OPLAH: variants seen among roughly 807,000 people sequenced by gnomAD.
The protein encoded by OPLAH is 5-oxoprolinase, ATP-hydrolysing.
A neutral mutation model predicts 122.8 loss-of-function variants in OPLAH; 103 were observed. The observed-to-expected ratio is 0.84, with a 90% CI of 0.71 to 0.99. The LOEUF (loss-of-function observed/expected upper bound fraction) is 0.99, where lower values mean the gene tolerates loss of function less well. Ranked by LOEUF, OPLAH falls within the 50% of genes least tolerant of loss-of-function variation. The probability of loss-of-function intolerance (pLI) is 0.00; values close to 1 mark genes in which losing one functional copy is unlikely to be tolerated. For missense variants in OPLAH, 1,902 were observed against 1,836.5 expected, an observed-to-expected ratio of 1.04 and a Z score of -0.65; for synonymous variants, 875 against 796.0, an observed-to-expected ratio of 1.10 and a Z score of -1.67.
rs1172637181 is a variant in OPLAH at position 144,051,282 on chromosome 8, G to C, written c.*44C>G. 1.9e-6 allele frequency: 3 copies of C among 1,605,262 alleles called. No individual in the cohort carries two copies. In the African/African-American group the frequency reaches 4.0e-5, roughly 22 times the overall value. On this transcript the variant is annotated 3_prime_UTR_variant, in exon 27 of 27. Coordinates refer to ENST00000618853, the MANE Select transcript of OPLAH (RefSeq NM_017570.5). Reference sequence around the variant, plus strand: ...AGCACGAACTAGGCGCCGTAGCTGCGTCCCCAGAACCGGGAGACTTAAGGC... The same window carrying C: ...AGCACGAACTAGGCGCCGTAGCTGCCTCCCCAGAACCGGGAGACTTAAGGC...
At position 144,056,251 on chromosome 8, in the gene OPLAH, C is replaced by A; in HGVS notation, c.1992G>T (p.Gln664His). The A allele has an allele frequency of 6.2e-7, 1 of 1,611,440 alleles. No homozygotes were observed. Among genetic ancestry groups the A allele is most frequent in the African/African-American group, 1.3e-5 (1 of 75,030 alleles). ...TGPPRVDKMT[Q>H]CYFEGGYQET... ...CCTGGTAGCCCCCCTCAAAGTAGCA[C>A]TGGGTCATCTGCAGAGGGTGCGGGT... The change falls in exon 15 of 27, where the codon CAG (glutamine) becomes CAT (histidine). Residue 664 changes from glutamine (Q) to histidine (H), a missense_variant. Gln to His is a conservative substitution (Grantham distance 24). Transcript: ENST00000618853.
chr8:144,056,560 T>G, intron 13 of OPLAH, 37 bp from the exon 14 acceptor site: 13 of 1,612,048 alleles, frequency 8.1e-6, no homozygotes, highest in Non-Finnish European at 1.1e-5. Flanking sequence ...GTGGTCAGAG[T>G]GAGGCGGCCA....
chr8:144,052,040 C>G lies in OPLAH; in HGVS notation c.3498G>C (p.Arg1166=), dbSNP rs782287993. 6.3e-7 allele frequency: 1 copy of G among 1,590,122 alleles called. No homozygotes were observed. Among genetic ancestry groups the G allele is most frequent in the Admixed American group, 1.7e-5 (1 of 59,338 alleles). The change falls in exon 25 of 27, where the codon CGG becomes CGC. Residue 1166 remains arginine (R), a synonymous_variant. Coordinates refer to ENST00000618853, the MANE Select transcript of OPLAH (RefSeq NM_017570.5). The stretch of plus-strand genomic sequence containing the variant: ...GGAAGCGGCCTCTGCCCCCCGAGCC[C>G]CGCCGCAGCTCGAAGCGGCGCAGGA... ...PVILRRFELR[R]GSGGRGRFRG...
In OPLAH at chr8:144,052,000, C is replaced by T. The variant is rs2129742937; in HGVS notation, c.3538G>A (p.Val1180Ile). Residue 1180 changes from valine (V) to isoleucine (I), a missense_variant, in exon 25 of 27, where the codon GTC (valine) becomes ATC (isoleucine). Transcript: ENST00000618853. ...TCACGAAAGAGCAGCTCGCGGGTGA[C>T]GCCGTCGCCGCCTCGGAAGCGGCCT... Reference protein sequence around the residue: ...GRGRFRGGDGVTRELLFREEA... With the variant: ...GRGRFRGGDGITRELLFREEA... 1.3e-6 allele frequency: 2 copies of T among 1,585,516 alleles called. No individual in the cohort carries two copies. The highest frequency in any genetic ancestry group is 1.7e-6 in the Non-Finnish European group (2 of 1,174,468).
Position 144,054,880 on chromosome 8 carries a change from C to T in OPLAH, c.2443G>A (p.Asp815Asn), listed in dbSNP as rs782232141. ...CTGGGATGGTTGCTCAGTAGCACGT[C>T]GCCAGGGTGGAGATCGGCCCCCAGG... ...QHLGADLHPG[D>N]VLLSNHPSAG... Residue 815 changes from aspartate (D) to asparagine (N), a missense_variant, in exon 18 of 27, where the codon GAC becomes AAC. Physicochemically the swap from Asp to Asn is conservative, Grantham distance 23 (BLOSUM62 1). Coordinates refer to ENST00000618853, the MANE Select transcript of OPLAH (RefSeq NM_017570.5). 7 of 1,610,368 alleles carry T rather than the reference C, an allele frequency of 4.3e-6. No individual in the cohort carries two copies. Among genetic ancestry groups the T allele is most frequent in the East Asian group, 4.5e-5 (2 of 44,794 alleles).
At chr8:144,060,227 G>A in intron 1 of OPLAH, 142 bp from the exon 2 acceptor site, 1 of 650,068 alleles carries the variant, frequency 1.5e-6, no homozygotes, top group Admixed American at 3.0e-5. Context: ...CAGCTCCGAG[G>A]GCAGCCTGGG....
At chr8:144,054,788 A>T (rs1352196869) in intron 18 of OPLAH, 24 bp downstream of exon 18, 9 of 1,612,048 alleles carry the variant, frequency 5.6e-6, no homozygotes, top group Non-Finnish European at 7.6e-6. Context: ...GCCCCAGCAG[A>T]GGCAGGCGGG....
rs1218494869 is a variant in OPLAH, at chr8:144,056,677, C to G, written c.1785G>C (p.Gln595His). Residue 595 changes from glutamine (Q) to histidine (H), a missense_variant, in exon 13 of 27, where the codon CAG becomes CAC. Transcript: ENST00000618853. ...GGGGCGAGCGGGCTGTGGCTGGGTG[C>G]TGGTGGGCAGACACCATCAGAGCAC... ...TDCALMVSAH[Q>H]HPATARSPRA... 2 of 1,611,662 alleles carry G rather than the reference C, an allele frequency of 1.2e-6. No individual in the cohort carries two copies. Among genetic ancestry groups the G allele is most frequent in the Non-Finnish European group, 1.7e-6 (2 of 1,179,628 alleles).
rs782184222 is a variant in OPLAH, at chr8:144,056,236, C to A, written c.2007G>T (p.Gly669=). The A allele has an allele frequency of 3.1e-6, 5 of 1,611,832 alleles. No individual in the cohort carries two copies. Among genetic ancestry groups the A allele is most frequent in the African/African-American group, 1.3e-5 (1 of 74,914 alleles). ...VDKMTQCYFE[G]GYQETPVYLL... is the part of the protein sequence containing the mutation. ...GGTACACAGGGGTCTCCTGGTAGCCCCCCTCAAAGTAGCACTGGGTCATCT... is the reference window on the plus strand; with the variant it reads ...GGTACACAGGGGTCTCCTGGTAGCCACCCTCAAAGTAGCACTGGGTCATCT... Residue 669 remains glycine (G), a synonymous_variant, in exon 15 of 27, where the codon GGG becomes GGT. Coordinates refer to ENST00000618853, the MANE Select transcript of OPLAH (RefSeq NM_017570.5).
At position 144,051,410 on chromosome 8, in the gene OPLAH, T is replaced by C. The variant is rs1835370858; in HGVS notation, c.3783A>G (p.Pro1261=). ...GGYGDPEDPA[P]PPGSPPQALA... ...GTGCTTGCGGGGGCGACCCCGGCGG[T>C]GGGGCGGGGTCCTCCGGGTCCCCAT... The change falls in exon 27 of 27, where the codon CCA becomes CCG. Residue 1261 remains proline, a synonymous_variant. Coordinates refer to ENST00000618853, the MANE Select transcript of OPLAH (RefSeq NM_017570.5). 7.5e-7 allele frequency: 1 copy of C among 1,328,702 alleles called. No homozygotes were observed. Among genetic ancestry groups the C allele is most frequent in the African/African-American group, 1.7e-5 (1 of 58,934 alleles). The allele number at this position is 1,328,702 out of a possible 1,614,324, so 82.3% of individuals were successfully genotyped here.
rs1322564450 is a variant in OPLAH at position 144,051,733 on chromosome 8, G to C, written c.3716C>G (p.Pro1239Arg). 4 of 1,602,302 alleles carry C rather than the reference G, an allele frequency of 2.5e-6. No individual in the cohort carries two copies. Among genetic ancestry groups the C allele is most frequent in the Non-Finnish European group, 3.4e-6 (4 of 1,177,008 alleles). ...AGGACAGGCCGCGGCCCTTACCCCG[G>C]GGTACACGGTCACCGACGTCTTGCC... is the stretch of plus-strand genomic sequence containing the variant. ...LGGKTSVTVYPGDVFCLHTPG... is the reference protein window; with the variant it reads ...LGGKTSVTVYRGDVFCLHTPG... Residue 1239 changes from proline (P) to arginine (R), a missense_variant, in exon 26 of 27, where the codon CCC becomes CGC. Coordinates refer to ENST00000618853, the MANE Select transcript of OPLAH (RefSeq NM_017570.5).
Position 144,056,094 on chromosome 8 carries a change from G to A in OPLAH, c.2096+53C>T, listed in dbSNP as rs544037506. On this transcript the variant is annotated intron_variant, in intron 15 of 26. Transcript: ENST00000618853. ...TTGGGCCAGAGAACCCTGCACCAGGGGCCCCGCAGTGGACCCGTCCACATC... is the reference window on the plus strand; with the variant it reads ...TTGGGCCAGAGAACCCTGCACCAGGAGCCCCGCAGTGGACCCGTCCACATC... 7.0e-6 allele frequency: 11 copies of A among 1,562,562 alleles called. No individual in the cohort carries two copies. The East Asian group carries it at 2.0e-4, about 29-fold the overall frequency.
Position 144,058,032 on chromosome 8 carries a change from C to T in OPLAH, c.1066G>A (p.Gly356Arg), listed in dbSNP as rs782354615. 6 of 1,612,512 alleles carry T rather than the reference C, an allele frequency of 3.7e-6. No homozygotes were observed. The Admixed American group carries it at 6.7e-5, about 18-fold the overall frequency. The change falls in exon 8 of 27, where the codon GGG becomes AGG. Residue 356 changes from glycine to arginine, a missense_variant. By Grantham distance (125) the Gly-to-Arg change is moderately radical. Coordinates refer to ENST00000618853, the MANE Select transcript of OPLAH (RefSeq NM_017570.5). The part of the protein sequence containing the change: ...QLDINTVAAG[G>R]GSRLFFRSGL... Reference sequence around the variant, plus strand: ...GACCTGAAGAAGAGGCGGGAACCCCCTCCCGCTGCCACGGTGTTGATGTCC... The same window carrying T: ...GACCTGAAGAAGAGGCGGGAACCCCTTCCCGCTGCCACGGTGTTGATGTCC...
chr8:144,059,124 C>T, intron 3 of OPLAH, 45 bp from the exon 4 acceptor site: 1 of 1,474,236 alleles, frequency 6.8e-7, no homozygotes, highest in Non-Finnish European at 9.2e-7. Flanking sequence ...CCTGAGGGTC[C>T]AGGCCGGGGT....
At chr8:144,051,061 G>A (rs148548979), downstream of OPLAH, 8,780 of 1,316,092 alleles carry the variant, frequency 6.7e-3, 28 homozygotes, top group Non-Finnish European at 7.9e-3. Context: ...GGAGTTCCCG[G>A]GTGGCTGGGC....
At chr8:144,056,855 C>T (rs1180728145) in intron 12 of OPLAH, 93 bp downstream of exon 12, 19 of 1,517,080 alleles carry the variant, frequency 1.3e-5, no homozygotes, top group Admixed American at 4.0e-5. Context: ...TCGCACACCC[C>T]GGGACCACCT....
chr8:144,059,031 C>T lies in OPLAH; in HGVS notation c.412G>A (p.Glu138Lys), dbSNP rs1745677155. 3 of 1,589,862 alleles carry T rather than the reference C, an allele frequency of 1.9e-6. No homozygotes were observed. Among genetic ancestry groups the T allele is most frequent in the Non-Finnish European group, 2.6e-6 (3 of 1,169,774 alleles). Residue 138 changes from glutamate to lysine, a missense_variant, in exon 4 of 27, where the codon GAA becomes AAA. This residue lies in a region of OPLAH where 1,726 missense variants were observed against 1,642.1 expected (regional missense o/e 1.05). Coordinates refer to ENST00000618853, the MANE Select transcript of OPLAH (RefSeq NM_017570.5). Reference protein sequence around the residue: ...VLYEEVLEVDERVVLHRGEAG... With the variant: ...VLYEEVLEVDKRVVLHRGEAG... ...TCTCCACGGTGCAGCACCACGCGTTCGTCCACCTCCAGCACCTCTTCATAC... is the reference window on the plus strand; with the variant it reads ...TCTCCACGGTGCAGCACCACGCGTTTGTCCACCTCCAGCACCTCTTCATAC...
At chr8:144,051,695 AGGGGAG>A in intron 26 of OPLAH, 28 bp downstream of exon 26, 1 of 1,384,388 alleles carries the variant, frequency 7.2e-7, no homozygotes, top group Non-Finnish European at 9.9e-7. Context: ...AGGGGAGGGG[AGGGGAG>A]GGGGACAGGA....
In OPLAH at chr8:144,052,969, T is replaced by G. The variant is rs782652175; in HGVS notation, c.3018+14A>C. The G allele has an allele frequency of 1.9e-6, 3 of 1,589,912 alleles. No individual in the cohort carries two copies. Among genetic ancestry groups the G allele is most frequent in the Non-Finnish European group, 2.6e-6 (3 of 1,168,124 alleles). ...GTGCCCCTGCCGCCTAGAGGCACTC[T>G]CCCCACGGCCCACCTGACTCAGGCT... On this transcript the variant is annotated intron_variant, in intron 21 of 26. Coordinates refer to ENST00000618853, the MANE Select transcript of OPLAH (RefSeq NM_017570.5).
Sources: allele counts gnomAD v4.1 joint callset, GRCh38; gene constraint gnomAD v4.1.1; regional missense constraint gnomAD v4.1.1; transcripts MANE v1.5; gene names NCBI Gene and HGNC (gene_info 2026-07-23, HGNC 2026-07-21).